Variants in DOCK4 observed in about 807,000 individuals in gnomAD.
The protein encoded by DOCK4 is dedicator of cytokinesis protein 4.
A neutral mutation model predicts 268.1 loss-of-function variants in DOCK4; 97 were observed. The ratio of observed to expected loss-of-function variants is 0.36; its 90% confidence interval spans 0.31 to 0.43. The LOEUF (loss-of-function observed/expected upper bound fraction) is 0.43, where lower values mean the gene tolerates loss of function less well. Ranked by LOEUF, DOCK4 falls within the 20% of genes least tolerant of loss-of-function variation. The probability of loss-of-function intolerance (pLI) is 1.00; values close to 1 mark genes in which losing one functional copy is unlikely to be tolerated. For missense variants in DOCK4, 2,145 were observed against 2,455.7 expected, an observed-to-expected ratio of 0.87 and a Z score of 2.67; for synonymous variants, 954 against 887.2, an observed-to-expected ratio of 1.08 and a Z score of -1.34.
intron 1 of DOCK4, among the ~76,000 whole-genome samples, chr7:112,097,733 C>G (rs190649968): frequency 8.1e-4 from 123 of 152,316 alleles, no homozygotes; most frequent in African/African-American, 2.7e-3. Flanking sequence ...TTGGTCATTC[C>G]TGGGCCTATG....
intron 12 of DOCK4, among the ~76,000 whole-genome samples, chr7:111,923,077 T>C (rs957583118): frequency 7.9e-5 from 12 of 152,106 alleles, no homozygotes; most frequent in African/African-American, 1.9e-4. Context: ...ATAAAATCCA[T>C]AAAAAATAAC....
At chr7:112,098,908 T>C (rs1810410774) in intron 1 of DOCK4, among the ~76,000 whole-genome samples, 1 of 151,894 alleles carries the variant, frequency 6.6e-6, no homozygotes, top group Non-Finnish European at 1.5e-5. Context: ...CTAAGAAACA[T>C]TTTACAACAC....
intron 1 of DOCK4, among the ~76,000 whole-genome samples, chr7:112,084,840 G>A (rs1808919261): frequency 6.6e-6 from 1 of 151,970 alleles, no homozygotes; most frequent in South Asian, 2.1e-4. Flanking sequence ...CTTTCTGCTG[G>A]GTGTTTTCAC....
chr7:111,840,718 TG>T (rs1307401165), intron 25 of DOCK4: 2 of 1,032,570 alleles, frequency 1.9e-6, no homozygotes, highest in Non-Finnish European at 1.3e-6. Flanking sequence ...TACAGAGCAC[TG>T]GAAGAATTCA....
chr7:111,750,208 A>G (rs2133503738), intron 42 of DOCK4, among the ~76,000 whole-genome samples: 1 of 152,358 alleles, frequency 6.6e-6, no homozygotes, highest in East Asian at 1.9e-4. Flanking sequence ...ACATGAAAGT[A>G]TCTGGCCTGT....
rs773796655 is a variant in DOCK4, at chr7:111,867,978, A to G, written c.2280+6T>C. The stretch of plus-strand genomic sequence containing the variant: ...CTTCTATTCAGCATAGATGAAAAGA[A>G]ATTACCTGTGACTGAGATAATGCTC... On this transcript the variant is annotated splice_donor_region_variant and intron_variant, in intron 22 of 52. Coordinates refer to ENST00000428084, the MANE Select transcript of DOCK4 (RefSeq NM_001363540.2). 2 of 1,584,578 alleles carry G rather than the reference A, an allele frequency of 1.3e-6. No homozygotes were observed. The highest frequency in any genetic ancestry group is 1.7e-6 in the Non-Finnish European group (2 of 1,167,922).
chr7:111,900,295 C>G (rs1791026206), intron 15 of DOCK4, 79 bp downstream of exon 15: 1 of 1,479,020 alleles, frequency 6.8e-7, no homozygotes, highest in Non-Finnish European at 9.2e-7. Context: ...TTAAGATCAA[C>G]CCACATCTTC....
intron 6 of DOCK4, among the ~76,000 whole-genome samples, chr7:111,984,765 A>T (rs1798920400): frequency 6.6e-6 from 1 of 152,168 alleles, no homozygotes; most frequent in African/African-American, 2.4e-5. Flanking sequence ...TGGTTCTAGA[A>T]ATTGGAGTTG....
chr7:112,108,220 T>C, intron 1 of DOCK4, among the ~76,000 whole-genome samples: 1 of 152,092 alleles, frequency 6.6e-6, no homozygotes, highest in East Asian at 1.9e-4. Flanking sequence ...CCTAAAGAGC[T>C]TGCAAAAATA....
At chr7:111,915,937 C>A (rs768618803) in intron 12 of DOCK4, 33 bp from the exon 13 acceptor site, 21 of 1,595,384 alleles carry the variant, frequency 1.3e-5, no homozygotes, top group Non-Finnish European at 1.4e-5. Context: ...GAGTTAAAAA[C>A]AGAATAGAAA....
chr7:111,858,531 T>C (rs527587863), intron 23 of DOCK4, among the ~76,000 whole-genome samples: 10 of 152,184 alleles, frequency 6.6e-5, no homozygotes, highest in Non-Finnish European at 8.8e-5. Context: ...CGCTGAGTAA[T>C]GGAGAATATG....
intron 8 of DOCK4, among the ~76,000 whole-genome samples, chr7:111,973,156 C>CATGCATATATATATATATAT (rs1554399516): frequency 8.8e-6 from 1 of 114,050 alleles, no homozygotes; most frequent in East Asian, 2.7e-4. Flanking sequence ...TATTCCATGG[C>CATGCATATATATATATATAT]ATATATATAT....
chr7:112,014,700 CTTTT>C (rs1157938121), intron 1 of DOCK4, among the ~76,000 whole-genome samples: 1 of 152,092 alleles, frequency 6.6e-6, no homozygotes, highest in Non-Finnish European at 1.5e-5. Context: ...AGCCCACTGC[CTTTT>C]TTTAACTTTT....
At chr7:111,887,616 T>C (rs1458741536) in intron 16 of DOCK4, among the ~76,000 whole-genome samples, 1 of 152,118 alleles carries the variant, frequency 6.6e-6, no homozygotes, top group Non-Finnish European at 1.5e-5. Flanking sequence ...AGCCCCTGGC[T>C]GGGCACTAGT....
intron 11 of DOCK4, among the ~76,000 whole-genome samples, chr7:111,937,923 C>T (rs376586713): frequency 2.0e-5 from 3 of 152,126 alleles, no homozygotes; most frequent in Admixed American, 6.5e-5. Context: ...CAAAAGGATA[C>T]GACACATGCA....
chr7:111,745,266 C>T (rs1251821232), intron 44 of DOCK4, among the ~76,000 whole-genome samples: 1 of 152,188 alleles, frequency 6.6e-6, no homozygotes, highest in Non-Finnish European at 1.5e-5. Flanking sequence ...CAAAATATGA[C>T]ACTGCTTTAA....
intron 11 of DOCK4, among the ~76,000 whole-genome samples, chr7:111,938,887 T>A (rs1794961176): frequency 6.9e-6 from 1 of 143,982 alleles, no homozygotes; most frequent in Non-Finnish European, 1.5e-5. Flanking sequence ...AGGCAGAAAA[T>A]CTCTTGAACC....
chr7:111,749,325 A>G (rs2133497569), intron 42 of DOCK4, among the ~76,000 whole-genome samples: 1 of 152,300 alleles, frequency 6.6e-6, no homozygotes, highest in East Asian at 1.9e-4. Context: ...TAGAACATAG[A>G]ATGGTGGTTC....
chr7:111,901,374 C>T (rs1295812267), intron 14 of DOCK4, among the ~76,000 whole-genome samples: 1 of 146,806 alleles, frequency 6.8e-6, no homozygotes, highest in East Asian at 2.0e-4. Context: ...TAAGTAATAG[C>T]TGCTGTAAGA....
Sources: allele counts gnomAD v4.1 joint callset (sites outside exome capture counted in the v4.1 genomes callset), GRCh38; gene constraint gnomAD v4.1.1; transcripts MANE v1.5; gene names NCBI Gene and HGNC (gene_info 2026-07-23, HGNC 2026-07-21).